The following PCLO variants were observed in gnomAD, a reference collection of about 807,000 sequenced individuals.
PCLO encodes the protein protein piccolo.
A neutral mutation model predicts 427.5 loss-of-function variants in PCLO; 82 were observed. That is an observed-to-expected ratio of 0.19 (90% CI 0.16 to 0.23). The LOEUF is 0.23. Among genes scored for constraint, PCLO ranks in the 10% least tolerant of loss-of-function variants. The pLI, the probability that PCLO is intolerant of heterozygous loss-of-function variation, is 1.00. For synonymous variants in PCLO, 2,357 were observed against 2,155.4 expected, an observed-to-expected ratio of 1.09 and a Z score of -2.59; for missense variants, 6,239 against 6,115.9, an observed-to-expected ratio of 1.02 and a Z score of -0.67.
rs142544957 is a variant in PCLO at position 83,145,591 on chromosome 7, T to A, written c.1893+9157A>T. Among the ~76,000 whole-genome samples, 29 of 152,276 alleles carry A rather than the reference T, an allele frequency of 1.9e-4. No individual in the cohort carries two copies. The East Asian group carries it at 5.4e-3, about 28-fold the overall frequency. ...GTGACTGTGCAAAAGTCATTTAAAT[T>A]CTTAACCCCAGTTTTCTTATCTACC... On this transcript the variant is annotated intron_variant, in intron 2 of 24. Transcript: ENST00000333891.
intron 22 of PCLO, among the ~76,000 whole-genome samples, chr7:82,775,702 T>A (rs1790735253): frequency 1.3e-5 from 2 of 152,192 alleles, no homozygotes; most frequent in Admixed American, 1.3e-4. Context: ...CTTTCTCAGA[T>A]CAGAAATGTT....
At chr7:82,940,090 T>C (rs1452448478) in intron 6 of PCLO, among the ~76,000 whole-genome samples, 1 of 152,208 alleles carries the variant, frequency 6.6e-6, no homozygotes, top group Non-Finnish European at 1.5e-5. Context: ...ACATCCAATG[T>C]CATGAGAATG....
chr7:82,953,554 C>A lies in PCLO; in HGVS notation c.7399G>T (p.Val2467Phe). 1 of 1,613,064 alleles carries A rather than the reference C, an allele frequency of 6.2e-7. No individual in the cohort carries two copies. Among genetic ancestry groups the A allele is most frequent in the Non-Finnish European group, 8.5e-7 (1 of 1,179,446 alleles). The change falls in exon 5 of 25, where the codon GTT (valine) becomes TTT (phenylalanine). Residue 2467 changes from valine to phenylalanine, a missense_variant. Physicochemically the swap from Val to Phe is conservative, Grantham distance 50. Transcript: ENST00000333891. The stretch of plus-strand genomic sequence containing the variant: ...ACAGGTAATCCATTACTTCTCAGAA[C>A]AGCTGTGGTCTCTAGAGTAGTAACA... ...DAVTTLETTA[V>F]LRSNGLPVTR...
chr7:82,940,766 T>C (rs1426243428), intron 6 of PCLO, among the ~76,000 whole-genome samples: 8 of 145,178 alleles, frequency 5.5e-5, no homozygotes, highest in East Asian at 2.0e-4. Flanking sequence ...TTTTTTTTTT[T>C]TTTTTTTTTT....
At chr7:82,763,012 C>A (rs1333564639) in intron 22 of PCLO, among the ~76,000 whole-genome samples, 1 of 152,080 alleles carries the variant, frequency 6.6e-6, no homozygotes, top group African/African-American at 2.4e-5. Flanking sequence ...CCGATCATGG[C>A]TCACTGCAGC....
At chr7:83,149,567 A>G (rs1792079044) in intron 2 of PCLO, among the ~76,000 whole-genome samples, 1 of 152,182 alleles carries the variant, frequency 6.6e-6, no homozygotes, top group Admixed American at 6.5e-5. Flanking sequence ...CTGTGCTAAA[A>G]ACAGCAAGCA....
At chr7:83,121,326 T>TA (rs1399884096) in intron 3 of PCLO, among the ~76,000 whole-genome samples, 1 of 152,094 alleles carries the variant, frequency 6.6e-6, no homozygotes, top group African/African-American at 2.4e-5. Context: ...AAATAATCGG[T>TA]AATAGAAGGT....
intron 10 of PCLO, among the ~76,000 whole-genome samples, chr7:82,871,159 C>CA (rs2115989019): frequency 6.6e-6 from 1 of 152,084 alleles, no homozygotes; most frequent in African/African-American, 2.4e-5. Flanking sequence ...CCTGCACTCC[C>CA]ATGTCTATTA....
intron 9 of PCLO, among the ~76,000 whole-genome samples, chr7:82,891,204 C>T (rs1302916128): frequency 6.6e-6 from 1 of 152,014 alleles, no homozygotes; most frequent in Non-Finnish European, 1.5e-5. Flanking sequence ...CTGATAAATA[C>T]AAGAAAATGG....
Position 82,915,856 on chromosome 7 carries a change from G to T in PCLO, c.12130C>A (p.Arg4044=), listed in dbSNP as rs773204215. The T allele has an allele frequency of 6.2e-7, 1 of 1,613,342 alleles. No individual in the cohort carries two copies. Among genetic ancestry groups the T allele is most frequent in the African/African-American group, 1.3e-5 (1 of 74,896 alleles). Reference sequence around the variant, plus strand: ...ATGTCGTCAATTAGGACATAATTTCGTGGAGTATGGTGATCAATATCTGCA... The same window carrying T: ...ATGTCGTCAATTAGGACATAATTTCTTGGAGTATGGTGATCAATATCTGCA... ...FYADIDHHTP[R]NYVLIDDIGE... The change falls in exon 7 of 25, where the codon CGA becomes AGA. Residue 4044 remains arginine, a synonymous_variant. Coordinates refer to ENST00000333891, the MANE Select transcript of PCLO (RefSeq NM_033026.6).
At chr7:82,799,364 C>T (rs1791294538) in intron 22 of PCLO, among the ~76,000 whole-genome samples, 1 of 152,086 alleles carries the variant, frequency 6.6e-6, no homozygotes, top group South Asian at 2.1e-4. Flanking sequence ...GTTGTTCAGC[C>T]TTATGGAGGA....
chr7:83,100,425 A>G (rs9656541), intron 3 of PCLO, among the ~76,000 whole-genome samples: 54,799 of 152,074 alleles, frequency 0.36, 10,725 homozygotes, highest in East Asian at 0.64. Flanking sequence ...TCAGTGATAA[A>G]CTGGATAAAG....
intron 3 of PCLO, among the ~76,000 whole-genome samples, chr7:83,126,868 C>A (rs1450221195): frequency 6.6e-6 from 1 of 151,838 alleles, no homozygotes; most frequent in African/African-American, 2.4e-5. Flanking sequence ...TAATTTCTGG[C>A]TCATGAAATT....
At chr7:82,976,999 T>C (rs912657919) in intron 3 of PCLO, among the ~76,000 whole-genome samples, 1 of 152,124 alleles carries the variant, frequency 6.6e-6, no homozygotes, top group Non-Finnish European at 1.5e-5. Flanking sequence ...GGATTACAGG[T>C]ATGAGCCACC....
intron 3 of PCLO, among the ~76,000 whole-genome samples, chr7:83,122,669 G>C (rs1791319310): frequency 6.6e-6 from 1 of 151,558 alleles, no homozygotes; most frequent in Non-Finnish European, 1.5e-5. Flanking sequence ...AGAAAGGAAG[G>C]GCATACACAT....
At chr7:83,147,458 A>G (rs1348936042) in intron 2 of PCLO, among the ~76,000 whole-genome samples, 1 of 152,214 alleles carries the variant, frequency 6.6e-6, no homozygotes, top group Non-Finnish European at 1.5e-5. Context: ...GAATCTAGGT[A>G]CTTTATTTTT....
chr7:82,777,291 A>T lies in PCLO; in HGVS notation c.15008-15798T>A, dbSNP rs533052488. Among the ~76,000 whole-genome samples, 3 of 152,284 alleles carry T rather than the reference A, an allele frequency of 2.0e-5. No homozygotes were observed. In the South Asian group the frequency reaches 6.2e-4, roughly 32 times the overall value. ...ATGGGAAAACATCCCATGCTCACGG[A>T]TAGGGAGAATCAATATCAAGAAAAT... is the stretch of plus-strand genomic sequence containing the variant. On this transcript the variant is annotated intron_variant, in intron 22 of 24. Coordinates refer to ENST00000333891, the MANE Select transcript of PCLO (RefSeq NM_033026.6).
In PCLO at chr7:82,949,561, T is replaced by C. The variant is rs1795282722; in HGVS notation, c.11027A>G (p.Gln3676Arg). 1 of 1,613,926 alleles carries C rather than the reference T, an allele frequency of 6.2e-7. No individual in the cohort carries two copies. The highest frequency in any genetic ancestry group is 8.5e-7 in the Non-Finnish European group (1 of 1,179,850). Residue 3676 changes from glutamine to arginine, a missense_variant, in exon 6 of 25, where the codon CAG (glutamine) becomes CGG (arginine). Gln to Arg is a conservative substitution (Grantham distance 43). Coordinates refer to ENST00000333891, the MANE Select transcript of PCLO (RefSeq NM_033026.6). ...AGGCTTGGGGTCAGACATAGAACGC[T>C]GCATCATCTTGGCTGTCTTAGGACT... Reference protein sequence around the residue: ...PASPKTAKMMQRSMSDPKPLS... With the variant: ...PASPKTAKMMRRSMSDPKPLS...
intron 3 of PCLO, among the ~76,000 whole-genome samples, chr7:82,988,982 GCACCACC>G (rs1796316524): frequency 6.6e-6 from 1 of 151,808 alleles, no homozygotes; most frequent in Non-Finnish European, 1.5e-5. Flanking sequence ...TTACAGGCAT[GCACCACC>G]ATGCCTGGCT....
Sources: gnomAD v4.1 joint callset for allele counts (sites outside exome capture counted in the v4.1 genomes callset) on GRCh38, gnomAD v4.1.1 for gene constraint, MANE v1.5 for transcripts, NCBI Gene and HGNC (gene_info 2026-07-23, HGNC 2026-07-21) for gene names.